The following GPC5 variants were observed in gnomAD, a reference collection of about 807,000 sequenced individuals.
GPC5 encodes the protein glypican 5, also known as glypican-5.
In GPC5, 47 loss-of-function variants were observed where a neutral mutation model predicts 53.9. The ratio of observed to expected loss-of-function variants is 0.87; its 90% confidence interval spans 0.69 to 1.11. GPC5 has a LOEUF of 1.11. GPC5 is among the 50% of genes most tolerant of loss of function. GPC5 has a pLI of 0.00. For missense variants in GPC5, 748 were observed against 713.1 expected (o/e 1.05, Z -0.56); for synonymous variants, 286 against 263.3 (o/e 1.09, Z -0.84).
chr13:91,642,713 C>CTTTTTT (rs71113755), intron 2 of GPC5, among the ~76,000 whole-genome samples: 1 of 143,262 alleles, frequency 7.0e-6, no homozygotes, highest in African/African-American at 2.6e-5. Context: ...TAAGGAAGAG[C>CTTTTTT]TTTTTTTTTT....
At chr13:92,711,753 G>T (rs1888146332) in intron 7 of GPC5, among the ~76,000 whole-genome samples, 1 of 151,800 alleles carries the variant, frequency 6.6e-6, no homozygotes, top group Admixed American at 6.6e-5. Flanking sequence ...AACCACAATG[G>T]CATCAAATTA....
intron 2 of GPC5, among the ~76,000 whole-genome samples, chr13:91,627,467 G>T (rs2034036821): frequency 6.6e-6 from 1 of 151,996 alleles, no homozygotes; most frequent in African/African-American, 2.4e-5. Flanking sequence ...CTTTGAGGAA[G>T]AATTTGCTTA....
chr13:92,457,718 A>G (rs1384961272), intron 7 of GPC5, among the ~76,000 whole-genome samples: 1 of 151,882 alleles, frequency 6.6e-6, no homozygotes, highest in Non-Finnish European at 1.5e-5. Flanking sequence ...TCCATGCAAA[A>G]TGGCTTAATG....
At chr13:92,330,319 TCA>T in intron 7 of GPC5, among the ~76,000 whole-genome samples, 1 of 152,256 alleles carries the variant, frequency 6.6e-6, no homozygotes, top group African/African-American at 2.4e-5. Context: ...TCCCCTAACC[TCA>T]GTTATTCTGA....
At chr13:91,823,290 T>C (rs1286941841) in intron 5 of GPC5, among the ~76,000 whole-genome samples, 2 of 152,108 alleles carry the variant, frequency 1.3e-5, no homozygotes, top group Non-Finnish European at 2.9e-5. Context: ...AAAAGATTTA[T>C]AATATAGAGA....
At chr13:92,205,686 A>G (rs1451347643) in intron 7 of GPC5, among the ~76,000 whole-genome samples, 1 of 152,202 alleles carries the variant, frequency 6.6e-6, no homozygotes. Flanking sequence ...GACAGCTGCA[A>G]CAGTGATATC....
At chr13:92,152,781 A>G (rs553165227) in intron 7 of GPC5, among the ~76,000 whole-genome samples, 1 of 151,528 alleles carries the variant, frequency 6.6e-6, no homozygotes, top group Admixed American at 6.6e-5. Context: ...AGGCAGAGGC[A>G]CAGATAGTGG....
At chr13:92,605,332 C>G (rs944186535) in intron 7 of GPC5, among the ~76,000 whole-genome samples, 3 of 152,152 alleles carry the variant, frequency 2.0e-5, no homozygotes, top group Non-Finnish European at 4.4e-5. Context: ...CAAGCAAATA[C>G]TTTACTTGTC....
chr13:92,863,949 TAA>T (rs1471488164), intron 7 of GPC5, among the ~76,000 whole-genome samples: 5 of 152,328 alleles, frequency 3.3e-5, no homozygotes, highest in Admixed American at 1.3e-4. Flanking sequence ...GTTATGCATA[TAA>T]GAGTATTCAA....
chr13:92,146,403 G>T (rs182653616), intron 7 of GPC5, among the ~76,000 whole-genome samples: 74 of 152,036 alleles, frequency 4.9e-4, no homozygotes, highest in South Asian at 2.7e-3. Context: ...TATTCTTAGT[G>T]GTTTTGTTTA....
intron 7 of GPC5, among the ~76,000 whole-genome samples, chr13:92,754,592 G>A (rs1214253935): frequency 3.3e-5 from 5 of 151,332 alleles, no homozygotes; most frequent in South Asian, 2.1e-4. Context: ...CCCATCTCAC[G>A]TGCAGAGACA....
chr13:92,341,631 TATTA>T (rs1235723845), intron 7 of GPC5, among the ~76,000 whole-genome samples: 2 of 152,046 alleles, frequency 1.3e-5, no homozygotes, highest in African/African-American at 2.4e-5. Context: ...AATAAAATTT[TATTA>T]ATTAAAGACT....
Position 92,365,023 on chromosome 13 carries a change from CAA to C in GPC5, c.1561+220036_1561+220037del, listed in dbSNP as rs761903163. ...GTATATCCCCATGTGAATAATGACACAAATTATATTCTGTAAGCAAAATACAT... is the reference window on the plus strand; with the variant it reads ...GTATATCCCCATGTGAATAATGACACATTATATTCTGTAAGCAAAATACAT... On this transcript the variant is annotated intron_variant, in intron 7 of 7. Transcript: ENST00000377067. Among the ~76,000 whole-genome samples, 59 of 151,810 alleles carry C rather than the reference CAA, an allele frequency of 3.9e-4. 1 individual carries two copies. In the South Asian group the frequency reaches 5.6e-3, roughly 14 times the overall value.
intron 5 of GPC5, among the ~76,000 whole-genome samples, chr13:91,821,039 T>G (rs1051400404): frequency 2.0e-5 from 3 of 152,160 alleles, no homozygotes; most frequent in African/African-American, 7.2e-5. Context: ...TGTTGTCAAA[T>G]TATATGAAAT....
At chr13:92,680,999 C>A (rs1887094333) in intron 7 of GPC5, among the ~76,000 whole-genome samples, 1 of 151,988 alleles carries the variant, frequency 6.6e-6, no homozygotes. Flanking sequence ...AGCATCCAAC[C>A]AGATCCAGAG....
chr13:92,323,944 T>C (rs1198513280), intron 7 of GPC5, among the ~76,000 whole-genome samples: 3 of 151,912 alleles, frequency 2.0e-5, no homozygotes, highest in Non-Finnish European at 1.5e-5. Flanking sequence ...TAAAGATGAG[T>C]TGGTTTTTAA....
intron 6 of GPC5, among the ~76,000 whole-genome samples, chr13:91,908,642 A>G (rs1284209613): frequency 6.6e-6 from 1 of 152,144 alleles, no homozygotes; most frequent in African/African-American, 2.4e-5. Flanking sequence ...CAAATGAAGC[A>G]TGAGCATATT....
At chr13:91,698,326 G>GACTTT (rs1269563114) in intron 3 of GPC5, among the ~76,000 whole-genome samples, 1 of 152,058 alleles carries the variant, frequency 6.6e-6, no homozygotes, top group African/African-American at 2.4e-5. Flanking sequence ...TATCAAAAAT[G>GACTTT]ACTTTACGGT....
At chr13:92,732,289 A>C (rs1051591340) in intron 7 of GPC5, among the ~76,000 whole-genome samples, 2 of 151,532 alleles carry the variant, frequency 1.3e-5, no homozygotes, top group African/African-American at 4.8e-5. Context: ...AAGTTACTAT[A>C]TATCCATTAT....
Sources: gnomAD v4.1 joint callset for allele counts (sites outside exome capture counted in the v4.1 genomes callset) on GRCh38, gnomAD v4.1.1 for gene constraint, MANE v1.5 for transcripts, NCBI Gene and HGNC (gene_info 2026-07-23, HGNC 2026-07-21) for gene names.